DNAH6: variants seen among roughly 807,000 people sequenced by gnomAD.
DNAH6 encodes dynein axonemal heavy chain 6, also known as axonemal beta dynein heavy chain 6.
A neutral mutation model predicts 491.4 loss-of-function variants in DNAH6; 340 were observed. The observed-to-expected ratio is 0.69, with a 90% CI of 0.63 to 0.76. The LOEUF is 0.76. DNAH6 is among the 30% of genes least tolerant of loss of function. The probability of loss-of-function intolerance (pLI) is 0.00; values close to 1 mark genes in which losing one functional copy is unlikely to be tolerated. For synonymous variants in DNAH6, 1,603 were observed against 1,686.1 expected (o/e 0.95, Z 1.21); for missense variants, 4,443 against 4,972.2 (o/e 0.89, Z 3.20).
At chr2:84,615,215 G>A (rs1686728218) in intron 22 of DNAH6, among the ~76,000 whole-genome samples, 1 of 151,958 alleles carries the variant, frequency 6.6e-6, no homozygotes, top group Admixed American at 6.6e-5. Context: ...TGATTTTTAG[G>A]TGAGAGATGA....
rs1459667565 is a variant in DNAH6 at position 84,703,495 on chromosome 2, T to C, written c.8162T>C (p.Leu2721Ser). Reference sequence around the variant, plus strand: ...CTTTCAGCTTTAGAGCCTGTACTTTTAGCAAAATCAGAAGATGTTGAAGCC... The same window carrying C: ...CTTTCAGCTTTAGAGCCTGTACTTTCAGCAAAATCAGAAGATGTTGAAGCC... Reference protein sequence around the residue: ...LDLSALEPVLLAKSEDVEALM... With the variant: ...LDLSALEPVLSAKSEDVEALM... Residue 2721 changes from leucine (L) to serine (S), a missense_variant, in exon 50 of 77, where the codon TTA becomes TCA. Leu to Ser is a moderately radical substitution (Grantham distance 145, BLOSUM62 -2). Coordinates refer to ENST00000389394, the MANE Select transcript of DNAH6 (RefSeq NM_001370.2). The C allele has an allele frequency of 6.4e-7, 1 of 1,551,554 alleles. No homozygotes were observed. The highest frequency in any genetic ancestry group is 8.7e-7 in the Non-Finnish European group (1 of 1,146,856).
At chr2:84,644,229 G>A (rs758747969) in intron 33 of DNAH6, among the ~76,000 whole-genome samples, 22 of 152,146 alleles carry the variant, frequency 1.4e-4, no homozygotes, top group Admixed American at 3.3e-4. Context: ...GCTAGCGCCA[G>A]CTGGAGTTGA....
In DNAH6 at chr2:84,816,082, A is replaced by T. The variant is rs1159265643; in HGVS notation, c.12372A>T (p.Thr4124=). 1 of 1,544,440 alleles carries T rather than the reference A, an allele frequency of 6.5e-7. No individual in the cohort carries two copies. Among genetic ancestry groups the T allele is most frequent in the South Asian group, 1.2e-5 (1 of 83,782 alleles). ...TGARAGTLST[T]GHSTNFVVTV... ...CCCGGGCAGGAACACTCTCAACCAC[A>T]GGTGAGGATGTTCTTAAGATTAGTT... Residue 4124 remains threonine (T), a splice_region_variant and synonymous_variant, in exon 76 of 77, where the codon ACA becomes ACT. Transcript: ENST00000389394.
the DNAH6 span, among the ~76,000 whole-genome samples, chr2:84,466,328 T>C: frequency 6.6e-6 from 1 of 152,200 alleles, no homozygotes; most frequent in Non-Finnish European, 1.5e-5. Flanking sequence ...ATTTCTCCAA[T>C]TGTGTCCTGT....
chr2:84,542,183 A>G (rs1184072552), intron 4 of DNAH6, among the ~76,000 whole-genome samples: 3 of 152,186 alleles, frequency 2.0e-5, no homozygotes, highest in African/African-American at 7.2e-5. Flanking sequence ...ACACAGAGCA[A>G]GTTTTCCAGA....
At chr2:84,630,967 T>G (rs1390286415) in intron 29 of DNAH6, among the ~76,000 whole-genome samples, 1 of 152,224 alleles carries the variant, frequency 6.6e-6, no homozygotes, top group Non-Finnish European at 1.5e-5. Context: ...AAAGTTTTTT[T>G]AAAGTAGAAA....
At chr2:84,559,420 A>G (rs1680420945) in intron 11 of DNAH6, among the ~76,000 whole-genome samples, 1 of 152,168 alleles carries the variant, frequency 6.6e-6, no homozygotes, top group Non-Finnish European at 1.5e-5. Flanking sequence ...AAGTGCTGCA[A>G]AACAAAAAAG....
In DNAH6 at chr2:84,672,336, G is replaced by A. The variant is rs1168009657; in HGVS notation, c.6464G>A (p.Gly2155Glu). The A allele has an allele frequency of 1.3e-6, 2 of 1,547,724 alleles. No individual in the cohort carries two copies. The highest frequency in any genetic ancestry group is 1.7e-6 in the Non-Finnish European group (2 of 1,145,606). ...CATTTTATTTCCCTAGGAGCACCGG[G>A]AAACAAACGAATTGTGATTTTTGTT... Reference protein sequence around the residue: ...RKRKNILGAPGNKRIVIFVDD... With the variant: ...RKRKNILGAPENKRIVIFVDD... Residue 2155 changes from glycine to glutamate, a missense_variant, in exon 40 of 77, where the codon GGA becomes GAA. This residue lies in a region of DNAH6 where 2,977 missense variants were observed against 3,296.6 expected (regional missense o/e 0.90). Transcript: ENST00000389394.
intron 36 of DNAH6, among the ~76,000 whole-genome samples, chr2:84,658,806 C>T (rs1469861593): frequency 6.6e-6 from 1 of 152,018 alleles, no homozygotes; most frequent in Non-Finnish European, 1.5e-5. Context: ...TTTTTCCCTA[C>T]ATATTCCTTC....
At chr2:84,780,693 T>C (rs954839751) in intron 64 of DNAH6, among the ~76,000 whole-genome samples, 1 of 152,216 alleles carries the variant, frequency 6.6e-6, no homozygotes, top group Non-Finnish European at 1.5e-5. Context: ...ACTGATTTTT[T>C]GAATTGCCAG....
At chr2:84,583,913 T>C (rs1340876137) in intron 14 of DNAH6, 86 bp from the exon 15 acceptor site, 1 of 1,333,458 alleles carries the variant, frequency 7.5e-7, no homozygotes, top group East Asian at 2.3e-5. Flanking sequence ...GTTCATATTG[T>C]ACAGTGTCTG....
At chr2:84,723,339 T>C (rs1698340846) in intron 60 of DNAH6, among the ~76,000 whole-genome samples, 2 of 152,188 alleles carry the variant, frequency 1.3e-5, no homozygotes, top group East Asian at 3.9e-4. Context: ...ATATAAAATT[T>C]GAATTTTTTT....
At chr2:84,703,195 T>C (rs975781313) in intron 49 of DNAH6, among the ~76,000 whole-genome samples, 200 bp from the exon 50 acceptor site, 2 of 152,228 alleles carry the variant, frequency 1.3e-5, no homozygotes, top group Admixed American at 6.5e-5. Context: ...CAAACAACTG[T>C]GATGAATGTC....
Position 84,641,885 on chromosome 2 carries a change from T to G in DNAH6, c.4971-62T>G, listed in dbSNP as rs1304563999. 9.4e-6 allele frequency: 13 copies of G among 1,384,978 alleles called. No individual in the cohort carries two copies. In the East Asian group the frequency reaches 1.8e-4, roughly 19 times the overall value. 85.8% of individuals were successfully genotyped at this position (1,384,978 alleles called of 1,614,324 possible). On this transcript the variant is annotated intron_variant, in intron 32 of 76. Transcript: ENST00000389394. ...AAGGGCTCTGCCCTCCCCACAGGTT[T>G]AGAAAATCATGTTCAACCTTATGTT...
chr2:84,578,629 G>A (rs959231654), intron 13 of DNAH6, among the ~76,000 whole-genome samples: 32 of 152,322 alleles, frequency 2.1e-4, no homozygotes, highest in African/African-American at 7.0e-4. Context: ...TATGGAGAGA[G>A]ACAGAGAAAG....
chr2:84,779,760 G>C (rs910870587), intron 64 of DNAH6, among the ~76,000 whole-genome samples: 1 of 152,034 alleles, frequency 6.6e-6, no homozygotes, highest in African/African-American at 2.4e-5. Flanking sequence ...GTGTCTTTGT[G>C]GTAGCAGGTA....
chr2:84,743,243 G>A (rs1672675952), intron 62 of DNAH6, among the ~76,000 whole-genome samples: 1 of 152,144 alleles, frequency 6.6e-6, no homozygotes, highest in Non-Finnish European at 1.5e-5. Flanking sequence ...TTCATAGAAA[G>A]CACCATGTGT....
rs141243467 is a variant in DNAH6 at position 84,535,174 on chromosome 2, A to G, written c.662+6008A>G. ...TCATTTGCTGATATTAAGGTCTACA[A>G]TTCTCTTGAATACTTCATGGTAATA... On this transcript the variant is annotated intron_variant, in intron 4 of 76. Transcript: ENST00000389394. Among the ~76,000 whole-genome samples, 29 of 152,078 alleles carry G rather than the reference A, an allele frequency of 1.9e-4. No homozygotes were observed. The East Asian group carries it at 1.9e-3, about 10-fold the overall frequency.
In DNAH6 at chr2:84,793,293, T is replaced by C. The variant is rs573722971; in HGVS notation, c.11240-3013T>C. Among the ~76,000 whole-genome samples the C allele has an allele frequency of 8.5e-5, 13 of 152,274 alleles. No individual in the cohort carries two copies. The East Asian group carries it at 2.3e-3, about 27-fold the overall frequency. On this transcript the variant is annotated intron_variant, in intron 68 of 76. Transcript: ENST00000389394. ...AAGCCAGAAGACTCCTTCTTGAAAG[T>C]GAGCTGTGAGTCATCTACCCTGAGT... is the stretch of plus-strand genomic sequence containing the variant.
Sources: gnomAD v4.1 joint callset for allele counts (sites outside exome capture counted in the v4.1 genomes callset) on GRCh38, gnomAD v4.1.1 for gene constraint, gnomAD v4.1.1 regional missense constraint, MANE v1.5 for transcripts, NCBI Gene and HGNC (gene_info 2026-07-23, HGNC 2026-07-21) for gene names.